The following DMXL1 variants were observed in gnomAD, a reference collection of about 807,000 sequenced individuals.
DMXL1 encodes Dmx like 1.
DMXL1 carries 99 observed loss-of-function variants against 319.2 expected under a neutral mutation model. The ratio of observed to expected loss-of-function variants is 0.31; its 90% CI spans 0.26 to 0.37. The LOEUF is 0.37. Ranked by LOEUF, DMXL1 falls within the 10% of genes least tolerant of loss-of-function variation. The probability of loss-of-function intolerance (pLI) is 1.00; values close to 1 mark genes in which losing one functional copy is unlikely to be tolerated. For synonymous variants in DMXL1, 1,385 were observed against 1,235.2 expected, an observed-to-expected ratio of 1.12 and a Z score of -2.54; for missense variants, 3,745 against 3,595.6, an observed-to-expected ratio of 1.04 and a Z score of -1.06.
At chr5:119,199,578 A>G (rs185855277) in intron 32 of DMXL1, among the ~76,000 whole-genome samples, 1 of 152,196 alleles carries the variant, frequency 6.6e-6, no homozygotes, top group Admixed American at 6.5e-5. Flanking sequence ...CTAGGTATAT[A>G]CCCAGTAATG....
chr5:119,101,120 A>T (rs1303069978), intron 2 of DMXL1, among the ~76,000 whole-genome samples: 1 of 152,104 alleles, frequency 6.6e-6, no homozygotes, highest in Non-Finnish European at 1.5e-5. Context: ...TATAAAGTTG[A>T]ATACTCACTG....
chr5:119,141,700 A>G (rs1405991486), intron 13 of DMXL1, among the ~76,000 whole-genome samples: 1 of 152,180 alleles, frequency 6.6e-6, no homozygotes, highest in Non-Finnish European at 1.5e-5. Flanking sequence ...CCAAAAATTT[A>G]CAGATTCAAT....
intron 23 of DMXL1, among the ~76,000 whole-genome samples, chr5:119,169,565 G>GAT (rs1267498318): frequency 6.6e-6 from 1 of 152,132 alleles, no homozygotes; most frequent in Non-Finnish European, 1.5e-5. Context: ...AATCAGTATA[G>GAT]ATATAGGTAA....
intron 28 of DMXL1, 25 bp from the exon 29 acceptor site, chr5:119,189,683 T>C: frequency 6.2e-7 from 1 of 1,608,344 alleles, no homozygotes; most frequent in South Asian, 1.1e-5. Flanking sequence ...AGTACTTCAG[T>C]AACATTTTAT....
chr5:119,208,598 C>G (rs970199216), intron 34 of DMXL1, among the ~76,000 whole-genome samples: 1 of 152,056 alleles, frequency 6.6e-6, no homozygotes, highest in Non-Finnish European at 1.5e-5. Flanking sequence ...TTTCTATAGT[C>G]AGCTTCATGC....
At chr5:119,240,957 C>T (rs1581507918) in intron 42 of DMXL1, among the ~76,000 whole-genome samples, 1 of 152,140 alleles carries the variant, frequency 6.6e-6, no homozygotes, top group Non-Finnish European at 1.5e-5. Context: ...TCCCAGGATA[C>T]AAGGTCAATA....
intron 39 of DMXL1, among the ~76,000 whole-genome samples, chr5:119,235,707 G>A (rs1787623400): frequency 6.6e-6 from 1 of 152,034 alleles, no homozygotes; most frequent in Non-Finnish European, 1.5e-5. Context: ...TTCTAAAAAG[G>A]AGTGAGAATG....
At chr5:119,220,887 A>T in intron 36 of DMXL1, 53 bp from the exon 37 acceptor site, 3 of 1,581,588 alleles carry the variant, frequency 1.9e-6, no homozygotes, top group Non-Finnish European at 1.7e-6. Context: ...TTTCAAGTGT[A>T]AAAAAGAAAG....
chr5:119,189,999 A>G (rs781343956), intron 29 of DMXL1, 113 bp downstream of exon 29: 11 of 1,003,894 alleles, frequency 1.1e-5, no homozygotes, highest in South Asian at 1.8e-5. Flanking sequence ...GGTTTAGAAA[A>G]TTTTCATTAG....
Position 119,110,291 on chromosome 5 carries a change from A to G in DMXL1, c.497+8A>G, listed in dbSNP as rs549446657. On this transcript the variant is annotated splice_region_variant and intron_variant, in intron 5 of 43. Coordinates refer to ENST00000539542, the MANE Select transcript of DMXL1 (RefSeq NM_001290321.3). ...ATGCATTTGGCATTGCAAGTAAGCA[A>G]TTAATCAGGGGAGTAAACTGATAAA... 21 of 1,552,414 alleles carry G rather than the reference A, an allele frequency of 1.4e-5. No individual in the cohort carries two copies. The highest frequency in any genetic ancestry group is 1.7e-4 in the Middle Eastern group (1 of 5,792).
chr5:119,116,794 C>T (rs145917136), intron 7 of DMXL1, among the ~76,000 whole-genome samples: 1 of 152,220 alleles, frequency 6.6e-6, no homozygotes, highest in East Asian at 1.9e-4. Flanking sequence ...CTACACCCAG[C>T]ATATGTGAGG....
At chr5:119,235,261 A>G (rs1050895278) in intron 39 of DMXL1, among the ~76,000 whole-genome samples, 3 of 152,190 alleles carry the variant, frequency 2.0e-5, no homozygotes, top group Non-Finnish European at 2.9e-5. Context: ...TAAATAACCT[A>G]TGAGGACTAA....
chr5:119,094,857 T>A (rs1755573969), intron 1 of DMXL1, among the ~76,000 whole-genome samples: 1 of 152,028 alleles, frequency 6.6e-6, no homozygotes, highest in Non-Finnish European at 1.5e-5. Flanking sequence ...CAATCTTTTT[T>A]TTTTTTTTTT....
chr5:119,242,245 A>G (rs567852390), intron 42 of DMXL1, among the ~76,000 whole-genome samples: 1 of 152,352 alleles, frequency 6.6e-6, no homozygotes, highest in African/African-American at 2.4e-5. Context: ...AATAAACCAC[A>G]TCTAAGTGGA....
At chr5:119,202,471 A>G (rs1264573765) in intron 32 of DMXL1, among the ~76,000 whole-genome samples, 1 of 152,202 alleles carries the variant, frequency 6.6e-6, no homozygotes, top group East Asian at 1.9e-4. Flanking sequence ...ATGCTCCAAA[A>G]TTCAAAATTT....
intron 19 of DMXL1, among the ~76,000 whole-genome samples, chr5:119,154,287 C>T (rs889734414): frequency 5.9e-5 from 9 of 152,196 alleles, no homozygotes; most frequent in East Asian, 1.9e-4. Context: ...TGTTGAAAGC[C>T]GAGATAGGCT....
intron 1 of DMXL1, among the ~76,000 whole-genome samples, chr5:119,096,673 G>A (rs557678313): frequency 3.3e-4 from 51 of 152,296 alleles, no homozygotes; most frequent in African/African-American, 1.2e-3. Flanking sequence ...GATCAAAGAA[G>A]GTGGTAGGGA....
At chr5:119,116,876 A>T (rs1253027092) in intron 7 of DMXL1, among the ~76,000 whole-genome samples, 1 of 152,188 alleles carries the variant, frequency 6.6e-6, no homozygotes, top group Non-Finnish European at 1.5e-5. Context: ...ACAAAAGCAC[A>T]CAGTGACACA....
At chr5:119,242,004 G>C (rs1788920014) in intron 42 of DMXL1, among the ~76,000 whole-genome samples, 1 of 152,008 alleles carries the variant, frequency 6.6e-6, no homozygotes, top group African/African-American at 2.4e-5. Context: ...ACTGTCGATG[G>C]CACCACTTAC....
Sources: gnomAD v4.1 joint callset for allele counts (sites outside exome capture counted in the v4.1 genomes callset) on GRCh38, gnomAD v4.1.1 for gene constraint, MANE v1.5 for transcripts, NCBI Gene and HGNC (gene_info 2026-07-23, HGNC 2026-07-21) for gene names.